The following KCNQ1OT1 variants were observed in gnomAD, a reference collection of about 807,000 sequenced individuals.
KCNQ1OT1 encodes KCNQ1 opposite strand/antisense transcript 1.
At position 2,642,601 on chromosome 11, in the gene KCNQ1OT1, C is replaced by G. The variant is rs1849596845; in HGVS notation, n.57394G>C. 12 of 397,464 alleles carry G rather than the reference C, an allele frequency of 3.0e-5. No individual in the cohort carries two copies. In the East Asian group the frequency reaches 4.3e-4, roughly 14 times the overall value. The allele number at this position is 397,464 out of a possible 1,614,324, so 24.6% of individuals were successfully genotyped here. A position where few individuals can be genotyped will look rare whatever the true frequency, so the allele number is the denominator to read the frequency against. On this transcript the variant is annotated non_coding_transcript_exon_variant, in exon 1 of 1. Transcript: ENST00000597346. This position sits in a 1 kb window ranked among gnomAD's most constrained non-coding sequence, Gnocchi z 4.3. Reference sequence around the variant, plus strand: ...AGTTTAGCCACTGGTTATTTTGTTTCTTTTCAAAAACCGATTTTGCATTTC... The same window carrying G: ...AGTTTAGCCACTGGTTATTTTGTTTGTTTTCAAAAACCGATTTTGCATTTC...
rs1475340906 is a variant in KCNQ1OT1, at chr11:2,667,918, C to T, written n.32077G>A. The T allele has an allele frequency of 6.0e-5, 24 of 398,620 alleles. No homozygotes were observed. In the East Asian group the frequency reaches 8.5e-4, roughly 14 times the overall value. 24.7% of individuals were successfully genotyped at this position (398,620 alleles called of 1,614,324 possible). On this transcript the variant is annotated non_coding_transcript_exon_variant, in exon 1 of 1. Transcript: ENST00000597346. Reference sequence around the variant, plus strand: ...TTGAGGCATCTTCAGTCCCTGGGACCCATGTGTGCAGCACCCGGAGGAAGC... The same window carrying T: ...TTGAGGCATCTTCAGTCCCTGGGACTCATGTGTGCAGCACCCGGAGGAAGC...
At chr11:2,665,618 A>G (rs1001276628) in exon 1 of KCNQ1OT1, 1 of 397,388 alleles carries the variant, frequency 2.5e-6, no homozygotes, top group Non-Finnish European at 4.4e-6. Flanking sequence ...CTTAGGCTGT[A>G]CGGCTGTGTC....
In KCNQ1OT1 at chr11:2,612,358, A is replaced by G. The variant is rs1848990472; in HGVS notation, n.87637T>C. The G allele has an allele frequency of 1.0e-5, 4 of 398,664 alleles. No individual in the cohort carries two copies. The highest frequency in any genetic ancestry group is 1.8e-5 in the Non-Finnish European group (4 of 226,074). The allele number at this position is 398,664 out of a possible 1,614,324, so 24.7% of individuals were successfully genotyped here. A position where few individuals can be genotyped will look rare whatever the true frequency, so the allele number is the denominator to read the frequency against. ...GGCTGTGGAAAAATTGTCTTCCACA[A>G]AACTGGTCCCTCATGCCAAAAAGGT... On this transcript the variant is annotated non_coding_transcript_exon_variant, in exon 1 of 1. Transcript: ENST00000597346. The surrounding 1 kb of genome is among the most constrained non-coding windows in gnomAD (Gnocchi z 5.5).
At chr11:2,696,785 T>C in exon 1 of KCNQ1OT1, 1 of 398,630 alleles carries the variant, frequency 2.5e-6, no homozygotes, top group Non-Finnish European at 4.4e-6. Context: ...TGTTAATTCC[T>C]AGACTGGTAT....
chr11:2,656,543 C>CA (rs1271533003), exon 1 of KCNQ1OT1: 12 of 398,542 alleles, frequency 3.0e-5, no homozygotes, highest in African/African-American at 2.1e-4. Flanking sequence ...TCAGGCGCAA[C>CA]ACCTTTCCAC....
rs1564853033 is a variant in KCNQ1OT1 at position 2,671,797 on chromosome 11, TC to T, written n.28197del. On this transcript the variant is annotated non_coding_transcript_exon_variant, in exon 1 of 1. Transcript: ENST00000597346. The surrounding 1 kb of genome is among the most constrained non-coding windows in gnomAD (Gnocchi z 4.7). ...ATCATTCTGACCCAGTCAGGGTTCT[TC>T]CCCCAAATAAATCCCTGCAACCCCA... 1 of 398,670 alleles carries T rather than the reference TC, an allele frequency of 2.5e-6. No individual in the cohort carries two copies. The highest frequency in any genetic ancestry group is 4.4e-6 in the Non-Finnish European group (1 of 226,130). 24.7% of individuals were successfully genotyped at this position (398,670 alleles called of 1,614,324 possible).
exon 1 of KCNQ1OT1, chr11:2,616,749 A>G: frequency 2.5e-6 from 1 of 398,130 alleles, no homozygotes; most frequent in East Asian, 3.6e-5. Context: ...GTTAGAGAAG[A>G]TATTTTGTAT....
exon 1 of KCNQ1OT1, chr11:2,639,935 G>A (rs182671271): frequency 0.02 from 3,078 of 153,918 alleles, 107 homozygotes; most frequent in African/African-American, 0.069. Flanking sequence ...CCTCGCTGCC[G>A]CCTTGCAGTT....
At position 2,647,947 on chromosome 11, in the gene KCNQ1OT1, C is replaced by T. The variant is rs1849691498; in HGVS notation, n.52048G>A. On this transcript the variant is annotated non_coding_transcript_exon_variant, in exon 1 of 1. Coordinates refer to ENST00000597346, the Ensembl canonical transcript of KCNQ1OT1. This position sits in a 1 kb window ranked among gnomAD's most constrained non-coding sequence, Gnocchi z 4.0. ...TCAGTTTTTTGGCTGGGTTTGTTGG[C>T]TCACACCTGTAAACCCAGTACTTTG... 7 of 397,946 alleles carry T rather than the reference C, an allele frequency of 1.8e-5. No individual in the cohort carries two copies. The highest frequency in any genetic ancestry group is 1.3e-4 in the South Asian group (1 of 7,752). 24.7% of individuals were successfully genotyped at this position (397,946 alleles called of 1,614,324 possible).
rs1850584567 is a variant in KCNQ1OT1 at position 2,691,344 on chromosome 11, A to G, written n.8651T>C. 1 of 398,616 alleles carries G rather than the reference A, an allele frequency of 2.5e-6. No homozygotes were observed. The highest frequency in any genetic ancestry group is 2.1e-5 in the African/African-American group (1 of 48,748). The allele number at this position is 398,616 out of a possible 1,614,324, so 24.7% of individuals were successfully genotyped here. On this transcript the variant is annotated non_coding_transcript_exon_variant, in exon 1 of 1. Transcript: ENST00000597346. This position sits in a 1 kb window ranked among gnomAD's most constrained non-coding sequence, Gnocchi z 6.4. ...GCTACAATCCACTGCACTTACAGTGACCACCCATCCTGACATCTTGGGCTC... is the reference window on the plus strand; with the variant it reads ...GCTACAATCCACTGCACTTACAGTGGCCACCCATCCTGACATCTTGGGCTC...
At position 2,663,558 on chromosome 11, in the gene KCNQ1OT1, C is replaced by T. The variant is rs530282543; in HGVS notation, n.36437G>A. The T allele has an allele frequency of 2.5e-6, 1 of 398,658 alleles. No individual in the cohort carries two copies. The highest frequency in any genetic ancestry group is 1.3e-4 in the South Asian group (1 of 7,830). The allele number at this position is 398,658 out of a possible 1,614,324, so 24.7% of individuals were successfully genotyped here. On this transcript the variant is annotated non_coding_transcript_exon_variant, in exon 1 of 1. Coordinates refer to ENST00000597346, the Ensembl canonical transcript of KCNQ1OT1. This position sits in a 1 kb window ranked among gnomAD's most constrained non-coding sequence, Gnocchi z 5.2. The stretch of plus-strand genomic sequence containing the variant: ...GAGGGGACTGTCCCTTCTCATCCTT[C>T]TGGCTGCTTGCTTCTCCTGTTGGAG...
At chr11:2,636,145 C>T (rs1043649435) in exon 1 of KCNQ1OT1, 2 of 152,210 alleles carry the variant, frequency 1.3e-5, no homozygotes, top group African/African-American at 4.8e-5. Flanking sequence ...GACAATTTGA[C>T]TTCCTCTTTT....
At chr11:2,643,683 C>T in exon 1 of KCNQ1OT1, 1 of 398,474 alleles carries the variant, frequency 2.5e-6, no homozygotes, top group Non-Finnish European at 4.4e-6. Flanking sequence ...TTATTCCTGT[C>T]ATTAATTGAT....
chr11:2,626,204 C>G lies in KCNQ1OT1; in HGVS notation n.73791G>C. 2.5e-6 allele frequency: 1 copy of G among 398,496 alleles called. No individual in the cohort carries two copies. Among genetic ancestry groups the G allele is most frequent in the East Asian group, 3.6e-5 (1 of 28,062 alleles). 24.7% of individuals were successfully genotyped at this position (398,496 alleles called of 1,614,324 possible). Reference sequence around the variant, plus strand: ...ACTTCATAGTTTTAGGACTTTGACCCATTTTGAGTAAGTTTTTGTACACAG... The same window carrying G: ...ACTTCATAGTTTTAGGACTTTGACCGATTTTGAGTAAGTTTTTGTACACAG... On this transcript the variant is annotated non_coding_transcript_exon_variant, in exon 1 of 1. Transcript: ENST00000597346. This position sits in a 1 kb window ranked among gnomAD's most constrained non-coding sequence, Gnocchi z 4.0.
In KCNQ1OT1 at chr11:2,642,248, G is replaced by A; in HGVS notation, n.57747C>T. The A allele has an allele frequency of 7.5e-6, 3 of 398,408 alleles. No homozygotes were observed. Among genetic ancestry groups the A allele is most frequent in the Admixed American group, 4.4e-5 (1 of 22,722 alleles). The allele number at this position is 398,408 out of a possible 1,614,324, so 24.7% of individuals were successfully genotyped here. Reference sequence around the variant, plus strand: ...AATTTTGTTAATTCTCCCAATCCATGAGAATGGGATGTTTTTTGTGTGTTC... The same window carrying A: ...AATTTTGTTAATTCTCCCAATCCATAAGAATGGGATGTTTTTTGTGTGTTC... On this transcript the variant is annotated non_coding_transcript_exon_variant, in exon 1 of 1. Coordinates refer to ENST00000597346, the Ensembl canonical transcript of KCNQ1OT1. This position sits in a 1 kb window ranked among gnomAD's most constrained non-coding sequence, Gnocchi z 4.3.
rs1850290994 is a variant in KCNQ1OT1 at position 2,676,181 on chromosome 11, C to G, written n.23814G>C. On this transcript the variant is annotated non_coding_transcript_exon_variant, in exon 1 of 1. Transcript: ENST00000597346. This position sits in a 1 kb window ranked among gnomAD's most constrained non-coding sequence, Gnocchi z 4.2. ...TTCTACACTTTGCCTTTGACTTCTT[C>G]CATAGGTATGCCATACTTCTTTTTG... 1 of 398,622 alleles carries G rather than the reference C, an allele frequency of 2.5e-6. No homozygotes were observed. Among genetic ancestry groups the G allele is most frequent in the East Asian group, 3.6e-5 (1 of 28,078 alleles). 24.7% of individuals were successfully genotyped at this position (398,622 alleles called of 1,614,324 possible). A position where few individuals can be genotyped will look rare whatever the true frequency, so the allele number is the denominator to read the frequency against.
rs1213702745 is a variant in KCNQ1OT1, at chr11:2,624,894, C to T, written n.75101G>A. ...TAACATAATGGCCTCGAGGTTCATCCATGTTGTGGCATGTGTCAAAATTTC... is the reference window on the plus strand; with the variant it reads ...TAACATAATGGCCTCGAGGTTCATCTATGTTGTGGCATGTGTCAAAATTTC... On this transcript the variant is annotated non_coding_transcript_exon_variant, in exon 1 of 1. Coordinates refer to ENST00000597346, the Ensembl canonical transcript of KCNQ1OT1. This position sits in a 1 kb window ranked among gnomAD's most constrained non-coding sequence, Gnocchi z 4.9. The T allele has an allele frequency of 2.5e-6, 1 of 398,368 alleles. No homozygotes were observed. The highest frequency in any genetic ancestry group is 3.6e-5 in the East Asian group (1 of 28,064). The allele number at this position is 398,368 out of a possible 1,614,324, so 24.7% of individuals were successfully genotyped here. A position where few individuals can be genotyped will look rare whatever the true frequency, so the allele number is the denominator to read the frequency against.
Position 2,690,080 on chromosome 11 carries a change from G to C in KCNQ1OT1, n.9915C>G, listed in dbSNP as rs1850563166. The C allele has an allele frequency of 2.5e-6, 1 of 398,778 alleles. No individual in the cohort carries two copies. Among genetic ancestry groups the C allele is most frequent in the South Asian group, 1.3e-4 (1 of 7,872 alleles). 24.7% of individuals were successfully genotyped at this position (398,778 alleles called of 1,614,324 possible). ...TAGCCTGCTTCTGTCTGGGCTGAAG[G>C]CACAGCAGGGACAATCGCTCTTCCG... On this transcript the variant is annotated non_coding_transcript_exon_variant, in exon 1 of 1. Coordinates refer to ENST00000597346, the Ensembl canonical transcript of KCNQ1OT1. The surrounding 1 kb of genome is among the most constrained non-coding windows in gnomAD (Gnocchi z 5.1).
At chr11:2,662,187 C>T (rs72850257) in exon 1 of KCNQ1OT1, 273 of 1,490,786 alleles carry the variant, frequency 1.8e-4, no homozygotes, top group Non-Finnish European at 2.5e-4. Context: ...GTGCTATCTA[C>T]TCGCCTAGTG....
Sources: allele counts gnomAD v4.1 joint callset, GRCh38; gene constraint gnomAD v4.1.1; non-coding constraint Gnocchi (gnomAD v3.1); transcripts MANE v1.5; gene names NCBI Gene and HGNC (gene_info 2026-07-23, HGNC 2026-07-21).